Variants in THSD1 observed in about 807,000 individuals in gnomAD.
THSD1 encodes the protein thrombospondin type 1 domain containing 1.
Under a neutral mutation model 46.3 loss-of-function variants are expected in THSD1, and 34 were observed. The ratio of observed to expected loss-of-function variants is 0.74; its 90% CI spans 0.56 to 0.98. The LOEUF (loss-of-function observed/expected upper bound fraction) is 0.98, where lower values mean the gene tolerates loss of function less well. THSD1 is among the 50% of genes least tolerant of loss of function. The probability of loss-of-function intolerance (pLI) is 0.00; values close to 1 mark genes in which losing one functional copy is unlikely to be tolerated. For synonymous variants in THSD1, 407 were observed against 416.5 expected (o/e 0.98, Z 0.28); for missense variants, 1,023 against 1,058.3 (o/e 0.97, Z 0.46).
intron 3 of THSD1, among the ~76,000 whole-genome samples, chr13:52,389,822 G>A (rs1013361251): frequency 6.6e-6 from 1 of 151,958 alleles, no homozygotes; most frequent in Non-Finnish European, 1.5e-5. Flanking sequence ...CTGCCAGACA[G>A]AACAAATGAG....
chr13:52,385,050 G>A (rs1427090244), intron 4 of THSD1, among the ~76,000 whole-genome samples: 1 of 152,190 alleles, frequency 6.6e-6, no homozygotes, highest in Non-Finnish European at 1.5e-5. Context: ...TAAGGCCACA[G>A]GTGGGGACAC....
In THSD1 at chr13:52,397,398, C is replaced by T. The variant is rs769095410; in HGVS notation, c.855G>A (p.Arg285=). 5 of 1,614,120 alleles carry T rather than the reference C, an allele frequency of 3.1e-6. No individual in the cohort carries two copies. The South Asian group carries it at 3.3e-5, about 11-fold the overall frequency. The change falls in exon 3 of 5, where the codon AGG becomes AGA. Residue 285 remains arginine (R), a synonymous_variant. Coordinates refer to ENST00000258613, the MANE Select transcript of THSD1 (RefSeq NM_018676.4). The part of the protein sequence containing the change: ...FKEAPRYPGK[R]TIHLAENSLP... ...GGCTGTTTTCAGCCAAGTGAATGGT[C>T]CTCTTCCCAGGGTATCTGGGGGCCT...
chr13:52,397,085 G>T, intron 3 of THSD1, 147 bp downstream of exon 3: 1 of 711,300 alleles, frequency 1.4e-6, no homozygotes, highest in South Asian at 2.0e-5. Context: ...TAATTTTTCA[G>T]CTAAGGGTGA....
chr13:52,395,826 T>G lies in THSD1; in HGVS notation c.1021+1406A>C, dbSNP rs145323751. ...GGAGCAAGACCTGGCCTGGGTGACATGCTGAGCAGCATGCAGGCCCTGCCA... is the reference window on the plus strand; with the variant it reads ...GGAGCAAGACCTGGCCTGGGTGACAGGCTGAGCAGCATGCAGGCCCTGCCA... On this transcript the variant is annotated intron_variant, in intron 3 of 4. Coordinates refer to ENST00000258613, the MANE Select transcript of THSD1 (RefSeq NM_018676.4). Among the ~76,000 whole-genome samples, 242 of 152,240 alleles carry G rather than the reference T, an allele frequency of 1.6e-3. 2 individuals are homozygous for G. The highest frequency in any genetic ancestry group is 5.5e-3 in the African/African-American group (228 of 41,540).
Position 52,377,731 on chromosome 13 carries a change from A to T in THSD1, c.2239T>A (p.Leu747Ile), listed in dbSNP as rs559222818. Residue 747 changes from leucine (L) to isoleucine (I), a missense_variant, in exon 5 of 5, where the codon TTA becomes ATA. Leu to Ile is a conservative substitution (Grantham distance 5). This residue lies in a region of THSD1 where 578 missense variants were observed against 497.4 expected (regional missense o/e 1.16). Coordinates refer to ENST00000258613, the MANE Select transcript of THSD1 (RefSeq NM_018676.4). Reference protein sequence around the residue: ...KPDLGDHQAGLVAGIERTEPH... With the variant: ...KPDLGDHQAGIVAGIERTEPH... ...TCTGTTCTCTCAATTCCGGCCACTAATCCTGCCTGGTGATCCCCAAGGTCT... is the reference window on the plus strand; with the variant it reads ...TCTGTTCTCTCAATTCCGGCCACTATTCCTGCCTGGTGATCCCCAAGGTCT... 6.2e-7 allele frequency: 1 copy of T among 1,613,626 alleles called. No homozygotes were observed. Among genetic ancestry groups the T allele is most frequent in the Non-Finnish European group, 8.5e-7 (1 of 1,179,674 alleles).
intron 3 of THSD1, among the ~76,000 whole-genome samples, chr13:52,396,965 A>C (rs1351492608): frequency 6.6e-6 from 1 of 152,114 alleles, no homozygotes. Flanking sequence ...AGAGTGTTAC[A>C]TGTTGATTTC....
chr13:52,391,201 G>A (rs1291874460), intron 3 of THSD1, among the ~76,000 whole-genome samples: 2 of 151,762 alleles, frequency 1.3e-5, no homozygotes, highest in African/African-American at 4.8e-5. Context: ...GGTAATGATA[G>A]ACAGGGGACT....
intron 4 of THSD1, among the ~76,000 whole-genome samples, chr13:52,381,997 T>G (rs1000042229): frequency 4.6e-5 from 7 of 152,248 alleles, no homozygotes; most frequent in Non-Finnish European, 7.3e-5. Flanking sequence ...CAGCATTGGC[T>G]ACTGTTATAT....
chr13:52,383,002 A>G (rs78918868), intron 4 of THSD1, among the ~76,000 whole-genome samples: 1 of 131,266 alleles, frequency 7.6e-6, no homozygotes, highest in East Asian at 2.0e-4. Flanking sequence ...CTCTGTCTCA[A>G]AAAAAAAAAA....
chr13:52,389,190 TG>T (rs1191874942), intron 3 of THSD1, among the ~76,000 whole-genome samples: 4 of 151,170 alleles, frequency 2.6e-5, no homozygotes, highest in African/African-American at 9.7e-5. Context: ...CTTGAACTCC[TG>T]ATCTCAAGTG....
At position 52,378,753 on chromosome 13, in the gene THSD1, TG is replaced by T; in HGVS notation, c.1216del (p.Gln406ArgfsTer4). ...QPSSPSPLQPQGPVKSNNIVT... is the reference protein window; with the variant it reads ...QPSSPSPLQPXGPVKSNNIVT... Reference sequence around the variant, plus strand: ...GATGTTGTTGGACTTCACTGGACCCTGGGGCTGAAGAGGAGATGGGCTGGAT... The same window carrying T: ...GATGTTGTTGGACTTCACTGGACCCTGGGCTGAAGAGGAGATGGGCTGGAT... On this transcript the variant is annotated frameshift_variant, in exon 5 of 5. Transcript: ENST00000258613. LOFTEE classifies it low-confidence loss of function (END_TRUNC). 6.2e-7 allele frequency: 1 copy of T among 1,609,934 alleles called. No homozygotes were observed.
rs753570422 is a variant in THSD1 at position 52,397,641 on chromosome 13, A to G, written c.612T>C (p.Phe204=). 1 of 1,614,094 alleles carries G rather than the reference A, an allele frequency of 6.2e-7. No individual in the cohort carries two copies. Among genetic ancestry groups the G allele is most frequent in the Non-Finnish European group, 8.5e-7 (1 of 1,180,042 alleles). ...TELAQGQWVE[F]GCAPLGPEAY... Reference sequence around the variant, plus strand: ...CTTCTGGCCCCAAGGGTGCACAGCCAAACTCAACCCACTGACCTTGAGCAA... The same window carrying G: ...CTTCTGGCCCCAAGGGTGCACAGCCGAACTCAACCCACTGACCTTGAGCAA... The change falls in exon 3 of 5, where the codon TTT becomes TTC. Residue 204 remains phenylalanine (F), a synonymous_variant. Coordinates refer to ENST00000258613, the MANE Select transcript of THSD1 (RefSeq NM_018676.4).
intron 1 of THSD1, chr13:52,403,084 T>A: frequency 4.2e-6 from 2 of 474,834 alleles, no homozygotes; most frequent in Non-Finnish European, 5.5e-6. Context: ...TGCTAAACTT[T>A]AATTTAGCAT....
chr13:52,398,965 C>G (rs1378768870), intron 2 of THSD1, among the ~76,000 whole-genome samples: 1 of 152,174 alleles, frequency 6.6e-6, no homozygotes, highest in East Asian at 1.9e-4. Flanking sequence ...AAGACAAGCA[C>G]TGGGGAATTT....
At position 52,377,523 on chromosome 13, in the gene THSD1, G is replaced by A. The variant is rs1957641982; in HGVS notation, c.2447C>T (p.Ser816Leu). Residue 816 changes from serine to leucine, a missense_variant, in exon 5 of 5, where the codon TCG (serine) becomes TTG (leucine). Physicochemically the swap from Ser to Leu is moderately radical, Grantham distance 145. Coordinates refer to ENST00000258613, the MANE Select transcript of THSD1 (RefSeq NM_018676.4). ...HPEFAFYDNT[S>L]FGLTEAEQRM... ...CTGCTCAGCCTCAGTGAGGCCAAAC[G>A]ACGTATTGTCATAGAAGGCAAACTC... 1 of 1,599,082 alleles carries A rather than the reference G, an allele frequency of 6.3e-7. No individual in the cohort carries two copies. Among genetic ancestry groups the A allele is most frequent in the Non-Finnish European group, 8.6e-7 (1 of 1,167,428 alleles).
At chr13:52,395,267 G>A (rs1200367543) in intron 3 of THSD1, among the ~76,000 whole-genome samples, 10 of 152,304 alleles carry the variant, frequency 6.6e-5, no homozygotes, top group Non-Finnish European at 1.3e-4. Flanking sequence ...AAGGGGTAAC[G>A]GAGATTTAAC....
At chr13:52,401,061 G>A (rs184477627) in intron 2 of THSD1, among the ~76,000 whole-genome samples, 3 of 152,010 alleles carry the variant, frequency 2.0e-5, no homozygotes, top group South Asian at 2.1e-4. Flanking sequence ...CACAACCTCC[G>A]CCTCCCGGGT....
intron 4 of THSD1, 115 bp downstream of exon 4, chr13:52,385,913 C>A: frequency 1.1e-6 from 1 of 895,446 alleles, no homozygotes; most frequent in Admixed American, 2.8e-5. Context: ...AATCACAGAG[C>A]ATTAATGAGT....
At chr13:52,396,512 C>G (rs1178529467) in intron 3 of THSD1, among the ~76,000 whole-genome samples, 2 of 151,946 alleles carry the variant, frequency 1.3e-5, no homozygotes, top group African/African-American at 2.4e-5. Flanking sequence ...GGCGACAGAG[C>G]GAGACTCTGT....
Sources: gnomAD v4.1 joint callset for allele counts (sites outside exome capture counted in the v4.1 genomes callset) on GRCh38, gnomAD v4.1.1 for gene constraint, gnomAD v4.1.1 regional missense constraint, MANE v1.5 for transcripts, NCBI Gene and HGNC (gene_info 2026-07-23, HGNC 2026-07-21) for gene names.